The following CNTNAP2 variants were observed in gnomAD, a reference collection of about 807,000 sequenced individuals.
CNTNAP2 encodes contactin-associated protein-like 2.
A neutral mutation model predicts 155.2 loss-of-function variants in CNTNAP2; 98 were observed. The ratio of observed to expected loss-of-function variants is 0.63; its 90% CI spans 0.54 to 0.75. The LOEUF (loss-of-function observed/expected upper bound fraction) is 0.75. Ranked by LOEUF, CNTNAP2 falls within the 30% of genes least tolerant of loss-of-function variation. The pLI is 0.00. For missense variants in CNTNAP2, 1,727 were observed against 1,688.1 expected, an observed-to-expected ratio of 1.02 and a Z score of -0.40; for synonymous variants, 651 against 631.2, an observed-to-expected ratio of 1.03 and a Z score of -0.47.
intron 1 of CNTNAP2, among the ~76,000 whole-genome samples, chr7:146,151,469 T>C (rs923775813): frequency 8.6e-5 from 13 of 150,700 alleles, no homozygotes; most frequent in Non-Finnish European, 1.6e-4. Flanking sequence ...TTACATTTTA[T>C]ATATAAATGA....
At chr7:147,055,707 T>C (rs1354249219) in intron 4 of CNTNAP2, among the ~76,000 whole-genome samples, 4 of 151,894 alleles carry the variant, frequency 2.6e-5, no homozygotes, top group Non-Finnish European at 5.9e-5. Flanking sequence ...ATCAAGAGAG[T>C]GGTCTTCCCC....
intron 3 of CNTNAP2, among the ~76,000 whole-genome samples, chr7:146,935,768 A>T (rs1796902206): frequency 6.6e-6 from 1 of 152,146 alleles, no homozygotes; most frequent in Non-Finnish European, 1.5e-5. Flanking sequence ...TATTACAGAC[A>T]CTCAGTTGTA....
chr7:148,198,981 TGA>T (rs141362688), intron 18 of CNTNAP2, among the ~76,000 whole-genome samples: 2,577 of 151,618 alleles, frequency 0.017, 72 homozygotes, highest in African/African-American at 0.059. Flanking sequence ...GAAAATAGGG[TGA>T]GAGAAACAAT....
chr7:146,356,789 C>T (rs534181059), intron 1 of CNTNAP2, among the ~76,000 whole-genome samples: 1 of 152,092 alleles, frequency 6.6e-6, no homozygotes, highest in Non-Finnish European at 1.5e-5. Context: ...TAGATCTTGG[C>T]AAACCTTTCC....
At chr7:148,380,069 T>C (rs952986148) in intron 21 of CNTNAP2, among the ~76,000 whole-genome samples, 4 of 152,246 alleles carry the variant, frequency 2.6e-5, no homozygotes, top group Non-Finnish European at 5.9e-5. Context: ...TCGTTATGAA[T>C]ATAAGACATT....
chr7:146,594,291 T>C (rs1050009645), intron 1 of CNTNAP2, among the ~76,000 whole-genome samples: 2 of 152,156 alleles, frequency 1.3e-5, no homozygotes, highest in Non-Finnish European at 2.9e-5. Context: ...ATAATCCATC[T>C]TGTCATGTTC....
intron 13 of CNTNAP2, among the ~76,000 whole-genome samples, chr7:147,722,281 T>C (rs1796577191): frequency 6.6e-6 from 1 of 152,156 alleles, no homozygotes; most frequent in African/African-American, 2.4e-5. Context: ...TTAATTACAT[T>C]TTAAATTAAC....
intron 1 of CNTNAP2, among the ~76,000 whole-genome samples, chr7:146,686,361 T>C (rs1419626938): frequency 1.3e-5 from 2 of 152,144 alleles, no homozygotes; most frequent in African/African-American, 4.8e-5. Context: ...GTACGTAGCC[T>C]GTATGTGTTG....
chr7:146,397,926 T>C (rs916218395), intron 1 of CNTNAP2, among the ~76,000 whole-genome samples: 3 of 147,012 alleles, frequency 2.0e-5, no homozygotes, highest in African/African-American at 7.9e-5. Flanking sequence ...CAGGCTGGAG[T>C]GCAGTGGTGT....
intron 3 of CNTNAP2, among the ~76,000 whole-genome samples, chr7:146,936,474 T>C (rs181464320): frequency 3.8e-4 from 58 of 152,298 alleles, no homozygotes; most frequent in African/African-American, 1.3e-3. Flanking sequence ...ACATTTACGA[T>C]GGTGATAGTG....
At chr7:147,423,000 A>G (rs1036365080) in intron 10 of CNTNAP2, among the ~76,000 whole-genome samples, 1 of 152,222 alleles carries the variant, frequency 6.6e-6, no homozygotes, top group African/African-American at 2.4e-5. Context: ...ATTGTAGATA[A>G]TGAATGATCG....
intron 12 of CNTNAP2, among the ~76,000 whole-genome samples, chr7:147,629,125 A>G (rs10243365): frequency 0.02 from 3,079 of 152,096 alleles, 109 homozygotes; most frequent in African/African-American, 0.07. Context: ...ACATAGGCCG[A>G]CCGCTGTGGT....
chr7:146,814,089 T>G (rs374031878), intron 2 of CNTNAP2, among the ~76,000 whole-genome samples: 2 of 152,202 alleles, frequency 1.3e-5, no homozygotes, highest in Admixed American at 6.5e-5. Context: ...CAGTTCTTTA[T>G]AGCAGCATAA....
chr7:146,843,025 A>G (rs1803769223), intron 3 of CNTNAP2, among the ~76,000 whole-genome samples: 1 of 9,580 alleles, frequency 1.0e-4, no homozygotes, highest in Non-Finnish European at 1.9e-4. Flanking sequence ...TTTTTTTTTG[A>G]GACGGAGTCT....
In CNTNAP2 at chr7:147,238,402, GACAC is replaced by G. The variant is rs147589329; in HGVS notation, c.1349-61717_1349-61714del. 5.1e-3 allele frequency among the ~76,000 whole-genome samples: 766 copies of G among 149,260 alleles called. 5 individuals carry two copies. The highest frequency in any genetic ancestry group is 0.017 in the African/African-American group (706 of 40,834). The stretch of plus-strand genomic sequence containing the variant: ...TTTCATTCCTACAAATATGTGTGCA[GACAC>G]ACACACACACACACACACACAGATT... On this transcript the variant is annotated intron_variant, in intron 8 of 23. Coordinates refer to ENST00000361727, the MANE Select transcript of CNTNAP2 (RefSeq NM_014141.6).
chr7:147,360,022 A>G (rs1319413621), intron 9 of CNTNAP2, among the ~76,000 whole-genome samples: 2 of 152,140 alleles, frequency 1.3e-5, no homozygotes, highest in African/African-American at 4.8e-5. Flanking sequence ...TGGACACTGA[A>G]TGAGTACCTG....
intron 13 of CNTNAP2, among the ~76,000 whole-genome samples, chr7:147,861,474 T>A (rs531230419): frequency 6.6e-6 from 1 of 152,286 alleles, no homozygotes; most frequent in African/African-American, 2.4e-5. Flanking sequence ...AACACATCCA[T>A]TGAGTATTTA....
chr7:146,774,528 C>G, intron 2 of CNTNAP2, 147 bp downstream of exon 2: 2 of 643,872 alleles, frequency 3.1e-6, no homozygotes, highest in Non-Finnish European at 5.5e-6. Context: ...TCCATAGATG[C>G]CATTAACCTC....
At chr7:146,726,827 C>A (rs1029608170) in intron 1 of CNTNAP2, among the ~76,000 whole-genome samples, 2 of 151,984 alleles carry the variant, frequency 1.3e-5, no homozygotes, top group African/African-American at 4.8e-5. Context: ...TGTTTAAATA[C>A]TTTATATTAG....
Sources: allele counts gnomAD v4.1 joint callset (sites outside exome capture counted in the v4.1 genomes callset), GRCh38; gene constraint gnomAD v4.1.1; transcripts MANE v1.5; gene names NCBI Gene and HGNC (gene_info 2026-07-23, HGNC 2026-07-21).